The following CDH2 variants were observed in gnomAD, a reference collection of about 807,000 sequenced individuals.
CDH2 encodes cadherin-2.
CDH2 carries 17 observed loss-of-function variants against 92.0 expected under a neutral mutation model. The observed-to-expected ratio is 0.18, with a 90% CI of 0.13 to 0.28. The LOEUF (loss-of-function observed/expected upper bound fraction) is 0.28, where lower values mean the gene tolerates loss of function less well. Ranked by LOEUF, CDH2 falls within the 10% of genes least tolerant of loss-of-function variation. The pLI is 1.00. For missense variants in CDH2, 862 were observed against 1,133.1 expected (o/e 0.76, Z 3.44); for synonymous variants, 419 against 415.9 (o/e 1.01, Z -0.09).
chr18:28,078,337 T>C (rs2014764614), intron 2 of CDH2, among the ~76,000 whole-genome samples: 1 of 152,086 alleles, frequency 6.6e-6, no homozygotes, highest in Admixed American at 6.6e-5. Flanking sequence ...TGTACACATA[T>C]AAACGAAAAT....
chr18:28,036,391 T>C (rs1474612260), intron 2 of CDH2: 4 of 772,816 alleles, frequency 5.2e-6, no homozygotes, highest in Non-Finnish European at 9.3e-6. Flanking sequence ...TGTACATAAG[T>C]CTTCTCATTT....
At chr18:27,960,696 T>C (rs780763060) in intron 15 of CDH2, among the ~76,000 whole-genome samples, 11 of 152,242 alleles carry the variant, frequency 7.2e-5, no homozygotes, top group Non-Finnish European at 1.6e-4. Context: ...AATAGTGATT[T>C]GCTGAATGGA....
intron 2 of CDH2, among the ~76,000 whole-genome samples, chr18:28,122,533 T>C (rs2015608134): frequency 6.6e-6 from 1 of 152,176 alleles, no homozygotes; most frequent in South Asian, 2.1e-4. Context: ...TTATTAATTA[T>C]TGGACTCCAT....
At chr18:28,064,640 G>A (rs1489023323) in intron 2 of CDH2, among the ~76,000 whole-genome samples, 1 of 149,452 alleles carries the variant, frequency 6.7e-6, no homozygotes, top group Non-Finnish European at 1.5e-5. Context: ...GTGGTTTAAA[G>A]AAATGCGAAC....
downstream of CDH2, among the ~76,000 whole-genome samples, chr18:27,948,797 A>G (rs967562197): frequency 2.0e-5 from 3 of 151,928 alleles, no homozygotes; most frequent in Non-Finnish European, 4.4e-5. Flanking sequence ...GGATGAGTGT[A>G]AATATATTTT....
chr18:28,025,703 A>T (rs2013535128), intron 2 of CDH2, among the ~76,000 whole-genome samples: 1 of 151,688 alleles, frequency 6.6e-6, no homozygotes, highest in Non-Finnish European at 1.5e-5. Flanking sequence ...AAATCAGGGT[A>T]ATTACCATAG....
chr18:28,158,127 G>C (rs1224742396), intron 1 of CDH2, among the ~76,000 whole-genome samples: 1 of 152,128 alleles, frequency 6.6e-6, no homozygotes, highest in Non-Finnish European at 1.5e-5. Context: ...TTGAGTAGCT[G>C]GCCATAGTGA....
intron 15 of CDH2, 61 bp downstream of exon 15, chr18:27,963,296 G>T: frequency 6.6e-7 from 1 of 1,508,360 alleles, no homozygotes; most frequent in African/African-American, 1.4e-5. Context: ...GTGGCCTACA[G>T]AGATCTAACC....
chr18:27,982,078 C>A (rs2143943512), intron 14 of CDH2, among the ~76,000 whole-genome samples: 1 of 152,254 alleles, frequency 6.6e-6, no homozygotes. Context: ...ATCTAACCAT[C>A]CTTAACTTGG....
chr18:27,986,839 C>G (rs1440677084), intron 11 of CDH2, among the ~76,000 whole-genome samples: 1 of 152,098 alleles, frequency 6.6e-6, no homozygotes, highest in African/African-American at 2.4e-5. Flanking sequence ...GTTTGAGGGA[C>G]TTCGAAATTT....
intron 2 of CDH2, among the ~76,000 whole-genome samples, chr18:28,144,353 C>T (rs1050676403): frequency 3.6e-5 from 5 of 139,420 alleles, no homozygotes; most frequent in African/African-American, 6.1e-5. Flanking sequence ...ATATATGCCA[C>T]GGGATAAAAA....
chr18:28,131,683 G>GTGTGTGTGTGT (rs374374605), intron 2 of CDH2, among the ~76,000 whole-genome samples: 1 of 150,196 alleles, frequency 6.7e-6, no homozygotes, highest in South Asian at 2.1e-4. Flanking sequence ...AAGCATTTGT[G>GTGTGTGTGTGT]GTGTGTGTGT....
chr18:28,040,418 G>A (rs1246436909), intron 2 of CDH2, among the ~76,000 whole-genome samples: 2 of 152,040 alleles, frequency 1.3e-5, no homozygotes, highest in East Asian at 3.9e-4. Flanking sequence ...AAGTAATTAA[G>A]TCACTTCCAA....
intron 2 of CDH2, among the ~76,000 whole-genome samples, chr18:28,103,480 T>C (rs28526563): frequency 1.4e-4 from 20 of 146,644 alleles, no homozygotes; most frequent in Admixed American, 5.6e-4. Context: ...TGTATATATA[T>C]ACACACACAC....
chr18:28,129,906 T>C (rs1406171246), intron 2 of CDH2, among the ~76,000 whole-genome samples: 1 of 152,196 alleles, frequency 6.6e-6, no homozygotes, highest in Non-Finnish European at 1.5e-5. Context: ...TTTTAGGACA[T>C]CTAGAACTAC....
chr18:27,949,067 C>T (rs1909346643), downstream of CDH2, among the ~76,000 whole-genome samples: 3 of 151,828 alleles, frequency 2.0e-5, no homozygotes, highest in Admixed American at 2.0e-4. Context: ...TTTAGTACGT[C>T]ACATGGTTAC....
chr18:27,973,608 A>C (rs1473009904), intron 14 of CDH2, among the ~76,000 whole-genome samples: 1 of 152,162 alleles, frequency 6.6e-6, no homozygotes, highest in Non-Finnish European at 1.5e-5. Context: ...ATTGTGGGTG[A>C]GGTAAAAAGG....
chr18:28,021,469 T>A (rs1599039966), intron 2 of CDH2, among the ~76,000 whole-genome samples: 3 of 151,976 alleles, frequency 2.0e-5, no homozygotes, highest in Admixed American at 6.6e-5. Context: ...GCAAAAAAAA[T>A]CATACTATTA....
At chr18:27,962,198 G>C (rs147389333) in intron 15 of CDH2, among the ~76,000 whole-genome samples, 259 of 152,300 alleles carry the variant, frequency 1.7e-3, no homozygotes, top group Non-Finnish European at 2.6e-3. Context: ...ACATATTTCT[G>C]TGGATAAAGG....
Sources: gnomAD v4.1 joint callset for allele counts (sites outside exome capture counted in the v4.1 genomes callset) on GRCh38, gnomAD v4.1.1 for gene constraint, MANE v1.5 for transcripts, NCBI Gene and HGNC (gene_info 2026-07-23, HGNC 2026-07-21) for gene names.